The following BCAS3 variants were observed in gnomAD, a reference collection of about 807,000 sequenced individuals.
The protein encoded by BCAS3 is BCAS4/BCAS3 fusion.
In BCAS3, 53 loss-of-function variants were observed where a neutral mutation model predicts 116.1. That is an observed-to-expected ratio of 0.46 (90% CI 0.37 to 0.57). The LOEUF (loss-of-function observed/expected upper bound fraction) is 0.57. Ranked by LOEUF, BCAS3 falls within the 20% of genes least tolerant of loss-of-function variation. The pLI is 0.00. For synonymous variants in BCAS3, 391 were observed against 408.2 expected, an observed-to-expected ratio of 0.96 and a Z score of 0.51; for missense variants, 917 against 1,165.4, an observed-to-expected ratio of 0.79 and a Z score of 3.10.
chr17:61,022,524 G>T (rs1338429959), intron 16 of BCAS3, among the ~76,000 whole-genome samples: 2 of 151,814 alleles, frequency 1.3e-5, no homozygotes. Context: ...AATTACAGGC[G>T]TGAGCCACCG....
intron 6 of BCAS3, among the ~76,000 whole-genome samples, chr17:60,748,380 GTC>G (rs779778444): frequency 2.0e-5 from 3 of 152,194 alleles, no homozygotes; most frequent in African/African-American, 4.8e-5. Context: ...CTCTTTAGCT[GTC>G]TCTCTGTTTC....
At chr17:60,888,869 T>C (rs2056932987) in intron 9 of BCAS3, among the ~76,000 whole-genome samples, 1 of 152,176 alleles carries the variant, frequency 6.6e-6, no homozygotes, top group Admixed American at 6.6e-5. Flanking sequence ...TCAAAATAGA[T>C]GGCAGTTTAG....
At chr17:60,818,550 T>C (rs774805585) in intron 7 of BCAS3, among the ~76,000 whole-genome samples, 2 of 152,234 alleles carry the variant, frequency 1.3e-5, no homozygotes, top group Non-Finnish European at 2.9e-5. Flanking sequence ...CCTGATGCTT[T>C]CAATTTTGAC....
chr17:61,126,404 C>T lies in BCAS3; in HGVS notation c.2425+41840C>T, dbSNP rs2076049345. 6.6e-6 allele frequency among the ~76,000 whole-genome samples: 1 copy of T among 152,142 alleles called. No homozygotes were observed. Among genetic ancestry groups the T allele is most frequent in the Non-Finnish European group, 1.5e-5 (1 of 68,006 alleles). On this transcript the variant is annotated intron_variant, in intron 22 of 23. Coordinates refer to ENST00000407086, the MANE Select transcript of BCAS3 (RefSeq NM_017679.5). The surrounding 1 kb of genome is among the most constrained non-coding windows in gnomAD (Gnocchi z 4.6). Reference sequence around the variant, plus strand: ...ATGTGTCATGTTATCGCACGTGAACCACTGCCTATGTTAAATAGGTTTTTC... The same window carrying T: ...ATGTGTCATGTTATCGCACGTGAACTACTGCCTATGTTAAATAGGTTTTTC...
intron 19 of BCAS3, among the ~76,000 whole-genome samples, chr17:61,044,465 A>AAAAAAAAAAAATATATAT: frequency 4.9e-4 from 59 of 120,084 alleles, no homozygotes; most frequent in African/African-American, 2.6e-3. Context: ...AAAAAAAAAA[A>AAAAAAAAAAAATATATAT]ATATATATAT....
chr17:61,123,983 AC>A, intron 22 of BCAS3, among the ~76,000 whole-genome samples: 1 of 152,130 alleles, frequency 6.6e-6, no homozygotes, highest in South Asian at 2.1e-4. Flanking sequence ...TGATCTTCAA[AC>A]CAGTTCTAAT....
intron 22 of BCAS3, among the ~76,000 whole-genome samples, chr17:61,234,847 C>T (rs2082908579): frequency 6.6e-6 from 1 of 150,948 alleles, no homozygotes; most frequent in South Asian, 2.1e-4. Context: ...CACATTTCCT[C>T]ACAAAGCACT....
intron 22 of BCAS3, among the ~76,000 whole-genome samples, chr17:61,102,553 G>A (rs1331203477): frequency 6.6e-6 from 1 of 152,044 alleles, no homozygotes; most frequent in Non-Finnish European, 1.5e-5. Context: ...CCCAACTTTG[G>A]CAGTGTCATC....
At chr17:60,886,639 CTGTT>C (rs1182015359) in intron 9 of BCAS3, among the ~76,000 whole-genome samples, 1 of 151,724 alleles carries the variant, frequency 6.6e-6, no homozygotes, top group Non-Finnish European at 1.5e-5. Context: ...GATGTCCTTT[CTGTT>C]TGTTAGTTTT....
intron 7 of BCAS3, 81 bp from the exon 8 acceptor site, chr17:60,868,495 T>C: frequency 1.3e-6 from 1 of 741,180 alleles, no homozygotes; most frequent in Non-Finnish European, 2.0e-6. Flanking sequence ...GGTTTGAATA[T>C]TATGTTAATG....
intron 23 of BCAS3, chr17:61,383,532 G>A (rs995424826): frequency 1.3e-5 from 2 of 152,372 alleles, no homozygotes; most frequent in Non-Finnish European, 2.9e-5. Context: ...CGCAGCTTTG[G>A]CCTCAGCTGT....
chr17:60,802,303 T>TATATAG (rs1434111594), intron 6 of BCAS3, among the ~76,000 whole-genome samples: 2 of 143,932 alleles, frequency 1.4e-5, no homozygotes, highest in African/African-American at 5.2e-5. Flanking sequence ...AAAATATATA[T>TATATAG]ATATATATAT....
chr17:60,867,184 G>A (rs1190669968), intron 7 of BCAS3, among the ~76,000 whole-genome samples: 1 of 151,008 alleles, frequency 6.6e-6, no homozygotes, highest in Admixed American at 6.6e-5. Context: ...TTGGCTCACT[G>A]CAACTCCGCC....
intron 5 of BCAS3, among the ~76,000 whole-genome samples, chr17:60,736,799 T>A (rs936269731): frequency 6.6e-6 from 1 of 152,172 alleles, no homozygotes; most frequent in Admixed American, 6.5e-5. Context: ...ATCAAACTTG[T>A]GGGCATAGAG....
intron 7 of BCAS3, among the ~76,000 whole-genome samples, chr17:60,843,168 C>T (rs1599092257): frequency 6.6e-6 from 1 of 150,572 alleles, no homozygotes; most frequent in African/African-American, 2.4e-5. Flanking sequence ...AAAACTTATA[C>T]GTGCCCTTTT....
chr17:61,359,618 G>C (rs543910292), intron 22 of BCAS3, among the ~76,000 whole-genome samples: 14 of 152,132 alleles, frequency 9.2e-5, no homozygotes, highest in Admixed American at 7.9e-4. Flanking sequence ...AGCCTCCTGA[G>C]TAGCTGGAAT....
rs1412582160 is a variant in BCAS3, at chr17:60,995,831, C to G, written c.1486+5596C>G. Among the ~76,000 whole-genome samples, 1 of 152,118 alleles carries G rather than the reference C, an allele frequency of 6.6e-6. No individual in the cohort carries two copies. The highest frequency in any genetic ancestry group is 1.5e-5 in the Non-Finnish European group (1 of 68,016). On this transcript the variant is annotated intron_variant, in intron 15 of 23. Transcript: ENST00000407086. This position sits in a 1 kb window ranked among gnomAD's most constrained non-coding sequence, Gnocchi z 4.7. ...AGCAGTGAACAAAAGAGAAACATGT[C>G]TGTGTTCCCATGGAGCCACAGAGAA... is the stretch of plus-strand genomic sequence containing the variant.
rs2078824403 is a variant in BCAS3 at position 61,171,252 on chromosome 17, C to T, written c.2425+86688C>T. Among the ~76,000 whole-genome samples the T allele has an allele frequency of 6.6e-6, 1 of 152,162 alleles. No homozygotes were observed. The highest frequency in any genetic ancestry group is 1.5e-5 in the Non-Finnish European group (1 of 68,026). ...GGATAAGTTACAAATATATGCTATA[C>T]ATTCTAAAGCAGCCTCTAAAGTAAC... On this transcript the variant is annotated intron_variant, in intron 22 of 23. Transcript: ENST00000407086. This position sits in a 1 kb window ranked among gnomAD's most constrained non-coding sequence, Gnocchi z 4.1.
chr17:61,091,673 A>G (rs542198802), intron 22 of BCAS3, among the ~76,000 whole-genome samples: 1 of 152,324 alleles, frequency 6.6e-6, no homozygotes, highest in South Asian at 2.1e-4. Context: ...CCCTCTGGAT[A>G]TTGTTGAGAA....
Sources: allele counts gnomAD v4.1 joint callset (sites outside exome capture counted in the v4.1 genomes callset), GRCh38; gene constraint gnomAD v4.1.1; non-coding constraint Gnocchi (gnomAD v3.1); transcripts MANE v1.5; gene names NCBI Gene and HGNC (gene_info 2026-07-23, HGNC 2026-07-21).